Variants in DLEC1 observed in about 807,000 individuals in gnomAD.
DLEC1 encodes the protein DLEC1 cilia and flagella associated protein, also known as deleted in lung and esophageal cancer protein 1.
In DLEC1, 146 loss-of-function variants were observed where a neutral mutation model predicts 198.1. The observed-to-expected ratio is 0.74, with a 90% CI of 0.64 to 0.85. DLEC1 has a LOEUF of 0.85. DLEC1 is among the 40% of genes least tolerant of loss of function. DLEC1 has a pLI of 0.00. For synonymous variants in DLEC1, 897 were observed against 866.8 expected, an observed-to-expected ratio of 1.03 and a Z score of -0.61; for missense variants, 2,233 against 2,220.0, an observed-to-expected ratio of 1.01 and a Z score of -0.12.
intron 2 of DLEC1, among the ~76,000 whole-genome samples, chr3:38,046,826 T>A (rs974430518): frequency 6.7e-6 from 1 of 148,396 alleles, no homozygotes; most frequent in African/African-American, 2.5e-5. Flanking sequence ...TCATGTCACA[T>A]GCAATTGTCA....
At chr3:38,104,166 T>A (rs1020163578) in intron 19 of DLEC1, among the ~76,000 whole-genome samples, 2 of 152,182 alleles carry the variant, frequency 1.3e-5, no homozygotes, top group Non-Finnish European at 2.9e-5. Context: ...CAATTTAGAC[T>A]TTTTTCTTGG....
chr3:38,055,854 G>A (rs11927288), intron 2 of DLEC1, among the ~76,000 whole-genome samples: 10,685 of 150,524 alleles, frequency 0.071, 458 homozygotes, highest in Middle Eastern at 0.13. Context: ...CGCTATGGGA[G>A]AGCATCTTCA....
At chr3:38,110,839 C>T (rs1699833637) in intron 23 of DLEC1, among the ~76,000 whole-genome samples, 2 of 152,038 alleles carry the variant, frequency 1.3e-5, no homozygotes, top group Non-Finnish European at 2.9e-5. Context: ...CACATGCATA[C>T]ACACATACAC....
chr3:38,108,286 C>A, intron 20 of DLEC1, 119 bp from the exon 21 acceptor site: 1 of 803,348 alleles, frequency 1.2e-6, no homozygotes, highest in Non-Finnish European at 2.0e-6. Context: ...GTCGGTTTTG[C>A]TGTGGGCCCC....
intron 16 of DLEC1, 75 bp downstream of exon 16, chr3:38,097,350 G>T: frequency 6.5e-7 from 1 of 1,537,974 alleles, no homozygotes; most frequent in Non-Finnish European, 8.8e-7. Flanking sequence ...AGTTAAAGGG[G>T]CTTATGCAGG....
intron 20 of DLEC1, 69 bp from the exon 21 acceptor site, chr3:38,108,336 C>T: frequency 1.5e-6 from 2 of 1,305,972 alleles, no homozygotes; most frequent in East Asian, 2.4e-5. Flanking sequence ...CAGTGCTGAG[C>T]ACTCTCTGGA....
intron 11 of DLEC1, among the ~76,000 whole-genome samples, chr3:38,093,240 G>A (rs1402991568): frequency 1.3e-5 from 2 of 152,092 alleles, no homozygotes; most frequent in East Asian, 3.9e-4. Flanking sequence ...ATTTCTGCAG[G>A]GTTAGAAGAG....
chr3:38,105,575 T>C (rs1198873359), intron 19 of DLEC1, among the ~76,000 whole-genome samples: 1 of 152,186 alleles, frequency 6.6e-6, no homozygotes, highest in Non-Finnish European at 1.5e-5. Flanking sequence ...CTAACATTCA[T>C]ATATCTCCTG....
At chr3:38,109,327 C>A in intron 21 of DLEC1, 105 bp from the exon 22 acceptor site, 1 of 1,485,714 alleles carries the variant, frequency 6.7e-7, no homozygotes, top group Non-Finnish European at 9.1e-7. Context: ...TGAGCCTGGC[C>A]AGAGGTCAAG....
At chr3:38,117,724 C>T (rs1028073048) in intron 32 of DLEC1, 82 bp from the exon 33 acceptor site, 1 of 1,587,366 alleles carries the variant, frequency 6.3e-7, no homozygotes, top group Non-Finnish European at 8.6e-7. Flanking sequence ...CTCCCCCAGC[C>T]CTCCCAGCCC....
At chr3:38,069,106 A>G (rs1251165319) in intron 6 of DLEC1, among the ~76,000 whole-genome samples, 1 of 152,184 alleles carries the variant, frequency 6.6e-6, no homozygotes, top group Non-Finnish European at 1.5e-5. Flanking sequence ...AGGATGAAAA[A>G]GTGTTTATCT....
intron 6 of DLEC1, among the ~76,000 whole-genome samples, chr3:38,064,897 G>A (rs548490635): frequency 1.7e-3 from 259 of 152,168 alleles, no homozygotes; most frequent in Middle Eastern, 6.8e-3. Context: ...CCAGACGATG[G>A]GCGGCCAGGC....
intron 8 of DLEC1, among the ~76,000 whole-genome samples, chr3:38,085,816 C>T (rs1559432666): frequency 6.6e-6 from 1 of 152,110 alleles, no homozygotes; most frequent in South Asian, 2.1e-4. Flanking sequence ...TCGTTGTCCT[C>T]GTGGCTGTGG....
intron 10 of DLEC1, 74 bp from the exon 11 acceptor site, chr3:38,092,716 A>G (rs1698802929): frequency 7.8e-7 from 1 of 1,288,526 alleles, no homozygotes; most frequent in African/African-American, 1.5e-5. Context: ...TGTGTCCGAG[A>G]GGAGGAGGGT....
chr3:38,050,642 C>T (rs1292399474), intron 2 of DLEC1, among the ~76,000 whole-genome samples: 1 of 152,206 alleles, frequency 6.6e-6, no homozygotes, highest in Non-Finnish European at 1.5e-5. Flanking sequence ...GGTCCACTCC[C>T]ATGACCCAAC....
rs1025160540 is a variant in DLEC1 at position 38,075,217 on chromosome 3, C to T, written c.1174-8941C>T. 2.0e-5 allele frequency among the ~76,000 whole-genome samples: 3 copies of T among 152,068 alleles called. 1 individual carries two copies. The highest frequency in any genetic ancestry group is 6.8e-3 in the Middle Eastern group (2 of 294). On this transcript the variant is annotated intron_variant, in intron 6 of 36. Coordinates refer to ENST00000308059, the MANE Select transcript of DLEC1 (RefSeq NM_007335.4). ...GAAAGAAGGAGGATTTGGGAGGAAT[C>T]GCATTGGGAACAGAGACTAGGGAGG...
In DLEC1 at chr3:38,084,467, A is replaced by G. The variant is rs967703650; in HGVS notation, c.1261+222A>G. Among the ~76,000 whole-genome samples the G allele has an allele frequency of 3.2e-3, 8 of 2,526 alleles. No homozygotes were observed. The South Asian group carries it at 0.11, about 35-fold the overall frequency. 1.7% of individuals were successfully genotyped at this position (2,526 alleles called of 152,430 possible). A position where few individuals can be genotyped will look rare whatever the true frequency, so the allele number is the denominator to read the frequency against. ...TGGTGGTGGTGGTAGTAGTAATAGT[A>G]GTGGTGGTGGTGGTAGTAGTGGTGG... is the stretch of plus-strand genomic sequence containing the variant. On this transcript the variant is annotated intron_variant, in intron 7 of 36. Transcript: ENST00000308059.
rs1247729824 is a variant in DLEC1, at chr3:38,039,449, C to T, written c.224C>T (p.Pro75Leu). ...ACGCAGCTTGCGCTGGCGCAGCGTC[C>T]CGAGCCTCAGCTGCTTCGTCTGCGC... ...RLTQLALAQR[P>L]EPQLLRLRPS... The change falls in exon 1 of 37, where the codon CCC (proline) becomes CTC (leucine). Residue 75 changes from proline (P) to leucine (L), a missense_variant. Pro to Leu is a moderately conservative substitution (Grantham distance 98). Transcript: ENST00000308059. 15 of 1,613,840 alleles carry T rather than the reference C, an allele frequency of 9.3e-6. No individual in the cohort carries two copies. Among genetic ancestry groups the T allele is most frequent in the Non-Finnish European group, 1.1e-5 (13 of 1,179,872 alleles).
At chr3:38,095,315 G>C (rs771444598) in intron 13 of DLEC1, 4 of 538,610 alleles carry the variant, frequency 7.4e-6, no homozygotes, top group Admixed American at 3.1e-5. Flanking sequence ...GGCTTCCTCC[G>C]CTCTGGGTGT....
Sources: gnomAD v4.1 joint callset for allele counts (sites outside exome capture counted in the v4.1 genomes callset) on GRCh38, gnomAD v4.1.1 for gene constraint, MANE v1.5 for transcripts, NCBI Gene and HGNC (gene_info 2026-07-23, HGNC 2026-07-21) for gene names.